The following KIAA0930 variants were observed in gnomAD, a reference collection of about 807,000 sequenced individuals.
KIAA0930 encodes uncharacterized protein KIAA0930.
A neutral mutation model predicts 43.9 loss-of-function variants in KIAA0930; 24 were observed. That is an observed-to-expected ratio of 0.55 (90% CI 0.40 to 0.77). The LOEUF (loss-of-function observed/expected upper bound fraction) is 0.77, where lower values mean the gene tolerates loss of function less well. Among genes scored for constraint, KIAA0930 ranks in the 30% least tolerant of loss-of-function variants. The pLI is 0.00. For synonymous variants in KIAA0930, 259 were observed against 216.4 expected (o/e 1.20, Z -1.73); for missense variants, 461 against 574.2 (o/e 0.80, Z 2.02).
rs16993691 is a variant in KIAA0930 at position 45,196,739 on chromosome 22, G to T, written c.*437C>A. On this transcript the variant is annotated 3_prime_UTR_variant, in exon 10 of 10. Transcript: ENST00000336156. This position sits in a 1 kb window ranked among gnomAD's most constrained non-coding sequence, Gnocchi z 4.1. ...GCACGGCATTCCAGAATCTTCCACCGGCTTTCCTCAAGAACATGTGGACAG... is the reference window on the plus strand; with the variant it reads ...GCACGGCATTCCAGAATCTTCCACCTGCTTTCCTCAAGAACATGTGGACAG... 1 of 165,658 alleles carries T rather than the reference G, an allele frequency of 6.0e-6. No homozygotes were observed. The allele number at this position is 165,658 out of a possible 1,614,324, so 10.3% of individuals were successfully genotyped here.
intron 1 of KIAA0930, among the ~76,000 whole-genome samples, chr22:45,233,530 G>A (rs921758639): frequency 7.2e-5 from 11 of 152,192 alleles, no homozygotes; most frequent in Admixed American, 5.2e-4. Context: ...CACCTGGAAA[G>A]TGGGAAATCA....
intron 1 of KIAA0930, among the ~76,000 whole-genome samples, chr22:45,213,840 T>C (rs2147750869): frequency 6.6e-6 from 1 of 152,208 alleles, no homozygotes; most frequent in Admixed American, 6.5e-5. Flanking sequence ...TGAAACCCTG[T>C]ATCTAGTAAA....
rs778339968 is a variant in KIAA0930, at chr22:45,197,772, C to T, written c.1174+18G>A. On this transcript the variant is annotated intron_variant, in intron 9 of 9. Transcript: ENST00000336156. ...CTGTGAGAAGGTGCGGCTGCTTCCCCACATCCGCCAGCATTACCTGTTAAA... is the reference window on the plus strand; with the variant it reads ...CTGTGAGAAGGTGCGGCTGCTTCCCTACATCCGCCAGCATTACCTGTTAAA... 1.9e-6 allele frequency: 3 copies of T among 1,613,190 alleles called. No individual in the cohort carries two copies. In the African/African-American group the frequency reaches 4.0e-5, roughly 22 times the overall value.
At chr22:45,237,069 GAGGCCCAGGGCCCAGGAGA>G (rs2083892347) in intron 1 of KIAA0930, among the ~76,000 whole-genome samples, 1 of 152,258 alleles carries the variant, frequency 6.6e-6, no homozygotes, top group African/African-American at 2.4e-5. Flanking sequence ...TGCTTGGGCT[GAGGCCCAGGGCCCAGGAGA>G]AGGCCCAAGC....
At chr22:45,230,676 G>T (rs922284863) in intron 1 of KIAA0930, among the ~76,000 whole-genome samples, 1 of 151,436 alleles carries the variant, frequency 6.6e-6, no homozygotes, top group African/African-American at 2.4e-5. Context: ...CCGCCTCCCG[G>T]GTTCATGCAA....
intron 1 of KIAA0930, among the ~76,000 whole-genome samples, chr22:45,229,292 C>CCAAA (rs1262310044): frequency 6.1e-4 from 2 of 3,270 alleles, no homozygotes; most frequent in Non-Finnish European, 1.3e-3. Flanking sequence ...CCCGCCATCA[C>CCAAA]CACTCACCTG....
Position 45,228,741 on chromosome 22 carries a change from C to G in KIAA0930, c.64+11899G>C, listed in dbSNP as rs1448535875. On this transcript the variant is annotated intron_variant, in intron 1 of 9. Coordinates refer to ENST00000336156, the MANE Select transcript of KIAA0930 (RefSeq NM_001009880.2). The stretch of plus-strand genomic sequence containing the variant: ...CACCCGAAAGATCCCTCTCCACCCC[C>G]CTACCACCACTCACCCGAAAGATCC... 2.0e-3 allele frequency among the ~76,000 whole-genome samples: 159 copies of G among 79,174 alleles called. 6 individuals carry two copies. Among genetic ancestry groups the G allele is most frequent in the African/African-American group, 9.9e-3 (150 of 15,082 alleles). The allele number at this position is 79,174 out of a possible 152,430, so 51.9% of individuals were successfully genotyped here.
chr22:45,215,945 G>C (rs1345157932), intron 1 of KIAA0930, among the ~76,000 whole-genome samples: 1 of 151,986 alleles, frequency 6.6e-6, no homozygotes, highest in Non-Finnish European at 1.5e-5. Context: ...GGAGAATGGC[G>C]TGAACCCGGG....
chr22:45,198,169 G>C (rs377675177), intron 8 of KIAA0930: 3 of 565,944 alleles, frequency 5.3e-6, no homozygotes, highest in South Asian at 4.5e-5. Flanking sequence ...TCCAACTCCA[G>C]GAAGACTTTG....
intron 6 of KIAA0930, among the ~76,000 whole-genome samples, chr22:45,203,640 C>G (rs1403314149): frequency 6.6e-6 from 1 of 152,158 alleles, no homozygotes; most frequent in African/African-American, 2.4e-5. Flanking sequence ...AGGCAAGTGG[C>G]CCGCATGGGC....
intron 2 of KIAA0930, 132 bp from the exon 3 acceptor site, chr22:45,206,044 C>T: frequency 6.9e-7 from 1 of 1,459,830 alleles, no homozygotes; most frequent in South Asian, 1.3e-5. Context: ...GAGACAGGGT[C>T]TCACACCGCT....
intron 1 of KIAA0930, among the ~76,000 whole-genome samples, chr22:45,234,486 C>G (rs1054749851): frequency 1.3e-5 from 2 of 152,234 alleles, no homozygotes; most frequent in East Asian, 1.9e-4. Context: ...TTCTGTGGCT[C>G]ACCTTCCTTC....
At chr22:45,199,724 C>A (rs1601807618) in intron 8 of KIAA0930, 149 bp downstream of exon 8, 1 of 840,264 alleles carries the variant, frequency 1.2e-6, no homozygotes, top group East Asian at 2.9e-5. Context: ...TACCCCTCAG[C>A]TCCTGGAGGG....
chr22:45,200,708 G>C (rs1420432012), intron 7 of KIAA0930, among the ~76,000 whole-genome samples: 1 of 152,250 alleles, frequency 6.6e-6, no homozygotes, highest in African/African-American at 2.4e-5. Context: ...GGGCCAGGCA[G>C]GCACAGCACT....
chr22:45,197,801 C>T lies in KIAA0930; in HGVS notation c.1163G>A (p.Arg388Gln). 1.9e-6 allele frequency: 3 copies of T among 1,614,166 alleles called. No individual in the cohort carries two copies. Among genetic ancestry groups the T allele is most frequent in the Non-Finnish European group, 1.7e-6 (2 of 1,180,012 alleles). Reference protein sequence around the residue: ...HLTYVTLPLHRILTDILEVRQ... With the variant: ...HLTYVTLPLHQILTDILEVRQ... ...TCCGCCAGCATTACCTGTTAAAATC[C>T]GATGCAGCGGCAACGTGACGTAGGT... The change falls in exon 9 of 10, where the codon CGG becomes CAG. Residue 388 changes from arginine (R) to glutamine (Q), a missense_variant. Physicochemically the swap from Arg to Gln is conservative, Grantham distance 43. Coordinates refer to ENST00000336156, the MANE Select transcript of KIAA0930 (RefSeq NM_001009880.2).
At chr22:45,208,052 G>A (rs1453777398) in intron 2 of KIAA0930, among the ~76,000 whole-genome samples, 1 of 152,174 alleles carries the variant, frequency 6.6e-6, no homozygotes, top group Non-Finnish European at 1.5e-5. Flanking sequence ...ACAGGCAGGC[G>A]AAAGAGCAGG....
At position 45,192,529 on chromosome 22, in the gene KIAA0930, T is replaced by G. The variant is rs2083498234; in HGVS notation, c.*4647A>C. ...ATCTCAACAGGTTTTCTTACAGATT[T>G]AATTACTCTCACACAAATAATTCAT... On this transcript the variant is annotated 3_prime_UTR_variant, in exon 10 of 10. Coordinates refer to ENST00000336156, the MANE Select transcript of KIAA0930 (RefSeq NM_001009880.2). 1 of 152,250 alleles carries G rather than the reference T, an allele frequency of 6.6e-6. No homozygotes were observed. Among genetic ancestry groups the G allele is most frequent in the African/African-American group, 2.4e-5 (1 of 41,466 alleles). 9.4% of individuals were successfully genotyped at this position (152,250 alleles called of 1,614,324 possible). A position where few individuals can be genotyped will look rare whatever the true frequency, so the allele number is the denominator to read the frequency against.
Position 45,202,868 on chromosome 22 carries a change from C to T in KIAA0930, c.852+122G>A, listed in dbSNP as rs763887785. The T allele has an allele frequency of 1.6e-4, 130 of 817,370 alleles. 1 individual carries two copies. Among genetic ancestry groups the T allele is most frequent in the Non-Finnish European group, 2.2e-4 (120 of 542,022 alleles). 50.6% of individuals were successfully genotyped at this position (817,370 alleles called of 1,614,324 possible). On this transcript the variant is annotated intron_variant, in intron 7 of 9. Transcript: ENST00000336156. The stretch of plus-strand genomic sequence containing the variant: ...GGCCTCCGCACGCTCGGCACCTCGG[C>T]CTGCGCACTGGTGGTTGGGGATGAC...
At chr22:45,202,211 G>A (rs911659128) in intron 7 of KIAA0930, among the ~76,000 whole-genome samples, 18 of 152,260 alleles carry the variant, frequency 1.2e-4, no homozygotes, top group African/African-American at 4.3e-4. Flanking sequence ...AAGAACTACA[G>A]CTCTGGGCAG....
Sources: allele counts gnomAD v4.1 joint callset (sites outside exome capture counted in the v4.1 genomes callset), GRCh38; gene constraint gnomAD v4.1.1; non-coding constraint Gnocchi (gnomAD v3.1); transcripts MANE v1.5; gene names NCBI Gene and HGNC (gene_info 2026-07-23, HGNC 2026-07-21).